The following KCNB2 variants were observed in gnomAD, a reference collection of about 807,000 sequenced individuals.
KCNB2 encodes the protein delayed rectifier potassium channel protein.
Under a neutral mutation model 61.5 loss-of-function variants are expected in KCNB2, and 15 were observed. That is an observed-to-expected ratio of 0.24 (90% CI 0.16 to 0.38). KCNB2 has a LOEUF of 0.38. Among genes scored for constraint, KCNB2 ranks in the 10% least tolerant of loss-of-function variants. KCNB2 has a pLI of 1.00. For synonymous variants in KCNB2, 457 were observed against 446.0 expected, an observed-to-expected ratio of 1.02 and a Z score of -0.31; for missense variants, 828 against 1,125.2, an observed-to-expected ratio of 0.74 and a Z score of 3.78.
chr8:72,718,888 G>A (rs1371950198), intron 2 of KCNB2, among the ~76,000 whole-genome samples: 1 of 152,102 alleles, frequency 6.6e-6, no homozygotes, highest in African/African-American at 2.4e-5. Flanking sequence ...TAAGAAAACC[G>A]AGGTTTAGAG....
At chr8:72,568,849 C>T (rs1375689634) in intron 2 of KCNB2, among the ~76,000 whole-genome samples, 1 of 151,938 alleles carries the variant, frequency 6.6e-6, no homozygotes, top group Non-Finnish European at 1.5e-5. Flanking sequence ...AAAAATGAGT[C>T]AATGTCCAGA....
chr8:72,679,395 G>T (rs1331094685), intron 2 of KCNB2, among the ~76,000 whole-genome samples: 1 of 152,132 alleles, frequency 6.6e-6, no homozygotes, highest in East Asian at 1.9e-4. Context: ...TTCATCACAT[G>T]ATAATGAGAT....
intron 2 of KCNB2, among the ~76,000 whole-genome samples, chr8:72,885,432 T>C (rs1183057440): frequency 6.6e-6 from 1 of 152,182 alleles, no homozygotes. Context: ...CTGAGTTTTA[T>C]GTATTTTGGG....
At chr8:72,889,658 G>A (rs1299141600) in intron 2 of KCNB2, among the ~76,000 whole-genome samples, 1 of 151,992 alleles carries the variant, frequency 6.6e-6, no homozygotes, top group Non-Finnish European at 1.5e-5. Flanking sequence ...CTGCACTCCA[G>A]CCCGGGCAAG....
intron 2 of KCNB2, among the ~76,000 whole-genome samples, chr8:72,915,468 A>G (rs1030039758): frequency 6.6e-6 from 1 of 152,180 alleles, no homozygotes; most frequent in African/African-American, 2.4e-5. Flanking sequence ...AAAAATTTGT[A>G]AAGGATGAAT....
chr8:72,603,649 T>C (rs1239869900), intron 2 of KCNB2, among the ~76,000 whole-genome samples: 1 of 152,124 alleles, frequency 6.6e-6, no homozygotes, highest in African/African-American at 2.4e-5. Flanking sequence ...TTTCACAACT[T>C]ATTAGCTGTA....
At chr8:72,760,857 A>G (rs1180580168) in intron 2 of KCNB2, among the ~76,000 whole-genome samples, 2 of 152,114 alleles carry the variant, frequency 1.3e-5, no homozygotes, top group Non-Finnish European at 2.9e-5. Flanking sequence ...TAATTTCCCA[A>G]ATTATTTCTA....
chr8:72,762,632 A>T (rs1287797201), intron 2 of KCNB2, among the ~76,000 whole-genome samples: 2 of 152,108 alleles, frequency 1.3e-5, no homozygotes, highest in African/African-American at 2.4e-5. Flanking sequence ...GTGAGGATAT[A>T]CATTATTCAT....
At chr8:72,679,103 A>G (rs1806710171) in intron 2 of KCNB2, among the ~76,000 whole-genome samples, 1 of 152,204 alleles carries the variant, frequency 6.6e-6, no homozygotes, top group Non-Finnish European at 1.5e-5. Flanking sequence ...TCCTGACCCA[A>G]ATTGATTCTT....
At chr8:72,796,574 G>T (rs1331629904) in intron 2 of KCNB2, among the ~76,000 whole-genome samples, 5 of 151,808 alleles carry the variant, frequency 3.3e-5, no homozygotes, top group Admixed American at 3.3e-4. Context: ...TGGTGCTGTG[G>T]GAGAATTTAG....
At chr8:72,694,713 G>A (rs942133204) in intron 2 of KCNB2, among the ~76,000 whole-genome samples, 6 of 151,900 alleles carry the variant, frequency 3.9e-5, no homozygotes, top group African/African-American at 1.5e-4. Flanking sequence ...TCTGGATCAA[G>A]CAACAATTAA....
intron 2 of KCNB2, among the ~76,000 whole-genome samples, chr8:72,669,737 C>T (rs1806532568): frequency 6.6e-6 from 1 of 152,088 alleles, no homozygotes; most frequent in African/African-American, 2.4e-5. Flanking sequence ...AGTACAAAAC[C>T]CTGGGCATGT....
At chr8:72,908,662 T>C (rs1806224904) in intron 2 of KCNB2, among the ~76,000 whole-genome samples, 3 of 152,208 alleles carry the variant, frequency 2.0e-5, no homozygotes, top group Admixed American at 2.0e-4. Flanking sequence ...ATTATTTTGT[T>C]GGAAAGAAGA....
intron 2 of KCNB2, among the ~76,000 whole-genome samples, chr8:72,896,821 A>G (rs895250155): frequency 6.6e-6 from 1 of 152,174 alleles, no homozygotes; most frequent in Admixed American, 6.5e-5. Context: ...AAGTCAAGAA[A>G]TGAGTCATTC....
chr8:72,713,203 C>A (rs1041804547), intron 2 of KCNB2, among the ~76,000 whole-genome samples: 2 of 152,242 alleles, frequency 1.3e-5, no homozygotes, highest in Non-Finnish European at 2.9e-5. Context: ...TCAAGGAGGC[C>A]TGCTTGCCTC....
chr8:72,762,507 G>A (rs911730327), intron 2 of KCNB2, among the ~76,000 whole-genome samples: 4 of 152,122 alleles, frequency 2.6e-5, no homozygotes, highest in African/African-American at 9.7e-5. Context: ...GTCCTGTACT[G>A]CTTGGCACAG....
At chr8:72,788,046 A>C (rs1327446314) in intron 2 of KCNB2, among the ~76,000 whole-genome samples, 4 of 152,276 alleles carry the variant, frequency 2.6e-5, no homozygotes, top group Non-Finnish European at 5.9e-5. Flanking sequence ...TAATATATCT[A>C]CTTCTTAAGT....
chr8:72,782,172 T>G (rs1011006755), intron 2 of KCNB2, among the ~76,000 whole-genome samples: 1 of 152,078 alleles, frequency 6.6e-6, no homozygotes, highest in African/African-American at 2.4e-5. Flanking sequence ...AACAGCATGT[T>G]GGTGTGAGAT....
chr8:72,819,840 AG>A (rs1192311773), intron 2 of KCNB2, among the ~76,000 whole-genome samples: 2 of 152,144 alleles, frequency 1.3e-5, no homozygotes, highest in Admixed American at 1.3e-4. Flanking sequence ...TCTGAAACTC[AG>A]CAGATTCTCC....
Sources: gnomAD v4.1 joint callset for allele counts (sites outside exome capture counted in the v4.1 genomes callset) on GRCh38, gnomAD v4.1.1 for gene constraint, MANE v1.5 for transcripts, NCBI Gene and HGNC (gene_info 2026-07-23, HGNC 2026-07-21) for gene names.